The following CACNA2D3 variants were observed in gnomAD, a reference collection of about 807,000 sequenced individuals.
CACNA2D3 encodes the protein voltage-dependent calcium channel subunit alpha-2/delta-3.
CACNA2D3 carries 60 observed loss-of-function variants against 160.6 expected under a neutral mutation model. That is an observed-to-expected ratio of 0.37 (90% CI 0.30 to 0.46). CACNA2D3 has a LOEUF of 0.46. Among genes scored for constraint, CACNA2D3 ranks in the 20% least tolerant of loss-of-function variants. The pLI is 1.00. For synonymous variants in CACNA2D3, 558 were observed against 492.9 expected, an observed-to-expected ratio of 1.13 and a Z score of -1.75; for missense variants, 1,205 against 1,365.0, an observed-to-expected ratio of 0.88 and a Z score of 1.85.
At chr3:54,630,783 A>G (rs555856490) in intron 10 of CACNA2D3, among the ~76,000 whole-genome samples, 1 of 152,282 alleles carries the variant, frequency 6.6e-6, no homozygotes, top group East Asian at 1.9e-4. Flanking sequence ...TGAGGGAAGC[A>G]TTTTTGAACA....
At chr3:55,031,740 A>G (rs3773552) in intron 35 of CACNA2D3, among the ~76,000 whole-genome samples, 93,157 of 151,988 alleles carry the variant, frequency 0.61, 28,783 homozygotes, top group African/African-American at 0.65. Flanking sequence ...GGCTAATGAC[A>G]AAGGTTCTTA....
intron 2 of CACNA2D3, among the ~76,000 whole-genome samples, chr3:54,300,137 A>G (rs1294106948): frequency 6.6e-6 from 1 of 152,240 alleles, no homozygotes; most frequent in African/African-American, 2.4e-5. Flanking sequence ...CTTTCTTTTA[A>G]TAAGGACTTC....
rs867737244 is a variant in CACNA2D3, at chr3:54,810,246, G to A, written c.1381-6607G>A. 3.9e-5 allele frequency among the ~76,000 whole-genome samples: 6 copies of A among 152,204 alleles called. No individual in the cohort carries two copies. The South Asian group carries it at 8.3e-4, about 21-fold the overall frequency. Reference sequence around the variant, plus strand: ...ACTTTCAGATCATTCTGGGTGCCATGTAAAGGAAGGATTGGATTGGAGGGC... The same window carrying A: ...ACTTTCAGATCATTCTGGGTGCCATATAAAGGAAGGATTGGATTGGAGGGC... On this transcript the variant is annotated intron_variant, in intron 13 of 37. Coordinates refer to ENST00000474759, the MANE Select transcript of CACNA2D3 (RefSeq NM_018398.3).
chr3:54,623,717 C>T (rs1699038445), intron 9 of CACNA2D3, among the ~76,000 whole-genome samples: 1 of 152,198 alleles, frequency 6.6e-6, no homozygotes, highest in Non-Finnish European at 1.5e-5. Flanking sequence ...CATTAATTGG[C>T]AGTGTCCAGT....
intron 5 of CACNA2D3, among the ~76,000 whole-genome samples, chr3:54,531,330 C>T (rs527444763): frequency 4.6e-4 from 70 of 152,300 alleles, no homozygotes; most frequent in African/African-American, 1.6e-3. Flanking sequence ...GGCCCAGCTG[C>T]CTCTTGGAGG....
At chr3:54,642,366 C>A in intron 11 of CACNA2D3, 125 bp downstream of exon 11, 1 of 539,846 alleles carries the variant, frequency 1.9e-6, no homozygotes. Context: ...GTTTCTCAGC[C>A]TTGTGTTTTT....
chr3:54,927,275 G>C (rs572050451), intron 27 of CACNA2D3, among the ~76,000 whole-genome samples: 1 of 152,256 alleles, frequency 6.6e-6, no homozygotes, highest in African/African-American at 2.4e-5. Flanking sequence ...AGAGCCTTCT[G>C]AAAGAGAGTC....
At chr3:54,667,582 T>C (rs568821855) in intron 11 of CACNA2D3, among the ~76,000 whole-genome samples, 40 of 152,294 alleles carry the variant, frequency 2.6e-4, no homozygotes, top group Non-Finnish European at 5.6e-4. Flanking sequence ...CACTTTCTGC[T>C]GAGTTAAAGA....
intron 17 of CACNA2D3, among the ~76,000 whole-genome samples, chr3:54,851,010 C>T (rs1699045580): frequency 6.6e-6 from 1 of 152,198 alleles, no homozygotes; most frequent in Admixed American, 6.5e-5. Context: ...GAGATGTGCC[C>T]TACCTCCAAT....
intron 11 of CACNA2D3, among the ~76,000 whole-genome samples, chr3:54,652,960 T>A (rs994651429): frequency 5.3e-5 from 8 of 151,976 alleles, no homozygotes; most frequent in Non-Finnish European, 1.0e-4. Flanking sequence ...TTTTTGTATT[T>A]TTAGTAGAGA....
chr3:54,444,062 TG>T (rs1269344289), intron 4 of CACNA2D3, among the ~76,000 whole-genome samples: 2 of 152,162 alleles, frequency 1.3e-5, no homozygotes, highest in Non-Finnish European at 2.9e-5. Flanking sequence ...GGCCACATTT[TG>T]TTTATCAAAG....
chr3:54,276,896 G>A (rs1043605048), intron 2 of CACNA2D3, among the ~76,000 whole-genome samples: 2 of 152,346 alleles, frequency 1.3e-5, no homozygotes, highest in East Asian at 1.9e-4. Context: ...GACCAATGAC[G>A]GATGACTGAT....
At chr3:55,054,067 A>G (rs796189365) in intron 35 of CACNA2D3, among the ~76,000 whole-genome samples, 1 of 143,822 alleles carries the variant, frequency 7.0e-6, no homozygotes, top group Admixed American at 6.8e-5. Flanking sequence ...TTTTTTTTGT[A>G]TTGGTTGCAC....
intron 3 of CACNA2D3, among the ~76,000 whole-genome samples, chr3:54,339,738 A>G (rs1219660776): frequency 6.6e-6 from 1 of 152,218 alleles, no homozygotes; most frequent in African/African-American, 2.4e-5. Flanking sequence ...TTTAATTAAT[A>G]GCCTTTTAAA....
chr3:54,203,739 G>A (rs2107352228), intron 2 of CACNA2D3, among the ~76,000 whole-genome samples: 2 of 152,140 alleles, frequency 1.3e-5, no homozygotes, highest in East Asian at 1.9e-4. Context: ...ATCTGTCGGT[G>A]TGCTGTTCTG....
intron 17 of CACNA2D3, among the ~76,000 whole-genome samples, chr3:54,857,638 A>G (rs1420102690): frequency 6.6e-6 from 1 of 152,160 alleles, no homozygotes; most frequent in Non-Finnish European, 1.5e-5. Context: ...TTTCCTGGGA[A>G]TCCCTGTCAA....
chr3:54,589,856 C>T (rs1249994833), intron 9 of CACNA2D3, among the ~76,000 whole-genome samples: 1 of 152,088 alleles, frequency 6.6e-6, no homozygotes, highest in African/African-American at 2.4e-5. Context: ...TTAGATATCA[C>T]TATACCTATC....
intron 2 of CACNA2D3, among the ~76,000 whole-genome samples, chr3:54,317,682 C>T (rs1043125721): frequency 2.6e-5 from 4 of 152,230 alleles, no homozygotes; most frequent in South Asian, 4.2e-4. Context: ...GGATTACAGG[C>T]GCCCACCACC....
intron 17 of CACNA2D3, among the ~76,000 whole-genome samples, chr3:54,871,145 G>A (rs1305998256): frequency 1.4e-5 from 2 of 143,122 alleles, no homozygotes; most frequent in African/African-American, 5.3e-5. Context: ...ATGATTTACA[G>A]AATTTACATT....
Sources: gnomAD v4.1 joint callset for allele counts (sites outside exome capture counted in the v4.1 genomes callset) on GRCh38, gnomAD v4.1.1 for gene constraint, MANE v1.5 for transcripts, NCBI Gene and HGNC (gene_info 2026-07-23, HGNC 2026-07-21) for gene names.